The following COL6A6 variants were observed in gnomAD, a reference collection of about 807,000 sequenced individuals.
COL6A6 encodes the protein collagen type VI alpha 6 chain.
COL6A6 carries 183 observed loss-of-function variants against 208.6 expected under a neutral mutation model. The observed-to-expected ratio is 0.88, with a 90% confidence interval of 0.78 to 0.99. The LOEUF is 0.99. Ranked by LOEUF, COL6A6 falls within the 50% of genes least tolerant of loss-of-function variation. The pLI is 0.00. For missense variants in COL6A6, 2,816 were observed against 2,815.2 expected (o/e 1.00, Z -0.01); for synonymous variants, 973 against 1,011.8 (o/e 0.96, Z 0.73).
rs1220691043 is a variant in COL6A6, at chr3:130,662,264, G to T, written c.6458G>T (p.Ser2153Ile). 2.5e-6 allele frequency: 4 copies of T among 1,613,840 alleles called. No individual in the cohort carries two copies. In the African/African-American group the frequency reaches 4.0e-5, roughly 16 times the overall value. The stretch of plus-strand genomic sequence containing the variant: ...GGCCGAATTCATAAACCTGACCACA[G>T]TTATGGTGTGAAGTTTGTGAAGTCC... ...QLGRIHKPDH[S>I]YGVKFVKSFI... is the part of the protein sequence containing the mutation. Residue 2153 changes from serine (S) to isoleucine (I), a missense_variant, in exon 35 of 37, where the codon AGT becomes ATT. Physicochemically the swap from Ser to Ile is moderately radical, Grantham distance 142. Transcript: ENST00000358511.
At chr3:130,586,364 A>G in intron 10 of COL6A6, 142 bp from the exon 11 acceptor site, 6 of 643,678 alleles carry the variant, frequency 9.3e-6, no homozygotes, top group Non-Finnish European at 1.1e-5. Context: ...TCAGGTTTAC[A>G]TCATGTGTTT....
chr3:130,561,452 C>T (rs987253528), intron 2 of COL6A6, among the ~76,000 whole-genome samples: 21 of 152,104 alleles, frequency 1.4e-4, no homozygotes, highest in Admixed American at 8.5e-4. Context: ...CATTATGCCT[C>T]GATCAGATGG....
At position 130,658,665 on chromosome 3, in the gene COL6A6, GCTT is replaced by G; in HGVS notation, c.5734-7_5734-5del. 1 of 1,600,978 alleles carries G rather than the reference GCTT, an allele frequency of 6.2e-7. No homozygotes were observed. The stretch of plus-strand genomic sequence containing the variant: ...CCACTAAGTTCTTTCTGCTGCTTCT[GCTT>G]CTTTTAGATTGACGACACTGGCACA... On this transcript the variant is annotated splice_region_variant and splice_polypyrimidine_tract_variant and intron_variant, in intron 33 of 36. Transcript: ENST00000358511.
Position 130,538,770 on chromosome 3 carries a change from A to G in COL6A6, c.-32+21373A>G, listed in dbSNP as rs554839276. ...AGTGTGAGCTCAGTATTGCCAAGTC[A>G]TTTTCAGTGGAGTGATTCTGCCTGT... On this transcript the variant is annotated intron_variant, in intron 1 of 36. Coordinates refer to ENST00000358511, the MANE Select transcript of COL6A6 (RefSeq NM_001102608.3). Among the ~76,000 whole-genome samples, 6 of 152,186 alleles carry G rather than the reference A, an allele frequency of 3.9e-5. 1 individual carries two copies. In the East Asian group the frequency reaches 1.2e-3, roughly 29 times the overall value.
chr3:130,604,363 C>T (rs902467276), intron 20 of COL6A6, among the ~76,000 whole-genome samples: 6 of 152,046 alleles, frequency 3.9e-5, no homozygotes, highest in East Asian at 3.9e-4. Flanking sequence ...GGCGTGGTGG[C>T]GGGCGCCTGT....
chr3:130,658,503 G>A (rs982985823), intron 33 of COL6A6, among the ~76,000 whole-genome samples, 173 bp from the exon 34 acceptor site: 3 of 152,160 alleles, frequency 2.0e-5, no homozygotes, highest in Non-Finnish European at 4.4e-5. Flanking sequence ...TAAATTGAGA[G>A]TCAAGGTTTA....
chr3:130,522,592 A>G (rs1711135358), intron 1 of COL6A6, among the ~76,000 whole-genome samples: 1 of 152,138 alleles, frequency 6.6e-6, no homozygotes, highest in Admixed American at 6.5e-5. Flanking sequence ...CTCCAGTCCC[A>G]GATATCTAAC....
At chr3:130,562,151 G>A (rs143002978) in intron 2 of COL6A6, among the ~76,000 whole-genome samples, 146 of 152,272 alleles carry the variant, frequency 9.6e-4, no homozygotes, top group African/African-American at 3.1e-3. Context: ...GGTAGAGAGA[G>A]CTCTGAGTTC....
chr3:130,612,726 G>A (rs1478545730), intron 23 of COL6A6, among the ~76,000 whole-genome samples: 3 of 152,132 alleles, frequency 2.0e-5, no homozygotes, highest in African/African-American at 7.2e-5. Context: ...ATGTACATGA[G>A]GGTGAGAGGT....
chr3:130,628,260 A>T (rs1368032858), intron 26 of COL6A6, among the ~76,000 whole-genome samples: 1 of 152,254 alleles, frequency 6.6e-6, no homozygotes, highest in Admixed American at 6.5e-5. Flanking sequence ...ATCCCTTAAC[A>T]TCTTACAAGA....
intron 23 of COL6A6, among the ~76,000 whole-genome samples, chr3:130,614,792 T>G (rs1282817969): frequency 1.3e-5 from 2 of 152,170 alleles, no homozygotes; most frequent in East Asian, 3.8e-4. Context: ...CTAGTTTGTG[T>G]GCATAGAGGT....
chr3:130,567,783 A>G (rs2063063889), intron 5 of COL6A6, among the ~76,000 whole-genome samples: 2 of 152,222 alleles, frequency 1.3e-5, no homozygotes, highest in African/African-American at 4.8e-5. Flanking sequence ...AGTATCCTAC[A>G]ACACACAGAC....
At chr3:130,592,489 A>G (rs2063741929) in intron 13 of COL6A6, 52 bp from the exon 14 acceptor site, 3 of 1,407,064 alleles carry the variant, frequency 2.1e-6, no homozygotes, top group African/African-American at 1.4e-5. Context: ...TTTTCAAGAC[A>G]GATCTCAGAT....
chr3:130,564,840 C>T lies in COL6A6; in HGVS notation c.662-154C>T, dbSNP rs139682923. On this transcript the variant is annotated intron_variant, in intron 3 of 36. Transcript: ENST00000358511. Reference sequence around the variant, plus strand: ...TTAGCTAAGATGTAGTATTTGAACTCAGGTCTCTTTAACCTCAACTTCATA... The same window carrying T: ...TTAGCTAAGATGTAGTATTTGAACTTAGGTCTCTTTAACCTCAACTTCATA... Among the ~76,000 whole-genome samples the T allele has an allele frequency of 2.0e-5, 3 of 152,332 alleles. No homozygotes were observed. The East Asian group carries it at 5.8e-4, about 29-fold the overall frequency.
At chr3:130,618,459 C>T (rs961127400) in intron 23 of COL6A6, among the ~76,000 whole-genome samples, 28 of 152,288 alleles carry the variant, frequency 1.8e-4, no homozygotes, top group African/African-American at 6.7e-4. Context: ...TAGCTAATGC[C>T]CTTCCCCTTT....
chr3:130,570,097 C>T (rs2063124423), intron 6 of COL6A6, among the ~76,000 whole-genome samples: 1 of 152,210 alleles, frequency 6.6e-6, no homozygotes. Flanking sequence ...TGGAACACTG[C>T]ACCTTTGGAG....
intron 18 of COL6A6, among the ~76,000 whole-genome samples, chr3:130,595,963 A>G (rs2108105221): frequency 6.6e-6 from 1 of 152,334 alleles, no homozygotes; most frequent in Non-Finnish European, 1.5e-5. Flanking sequence ...AATGGTTACA[A>G]TTTATAAAAA....
chr3:130,562,992 G>A (rs2062927654), intron 2 of COL6A6, 76 bp from the exon 3 acceptor site: 4 of 1,050,216 alleles, frequency 3.8e-6, no homozygotes, highest in Admixed American at 2.3e-5. Context: ...GTACTTCCCC[G>A]CCATAGAGTT....
rs924385898 is a variant in COL6A6 at position 130,649,483 on chromosome 3, C to T, written c.5654C>T (p.Ala1885Val). 1 of 1,609,978 alleles carries T rather than the reference C, an allele frequency of 6.2e-7. No individual in the cohort carries two copies. The highest frequency in any genetic ancestry group is 8.5e-7 in the Non-Finnish European group (1 of 1,178,172). The change falls in exon 33 of 37, where the codon GCC becomes GTC. Residue 1885 changes from alanine (A) to valine (V), a missense_variant. Transcript: ENST00000358511. ...GATGCCCACTCCATCACCACGGCTG[C>T]CATGGAGTTCGGCGCGCTTGAAATC... ...SADAHSITTAAMEFGALEIIP... is the reference protein window; with the variant it reads ...SADAHSITTAVMEFGALEIIP...
Sources: gnomAD v4.1 joint callset for allele counts (sites outside exome capture counted in the v4.1 genomes callset) on GRCh38, gnomAD v4.1.1 for gene constraint, MANE v1.5 for transcripts, NCBI Gene and HGNC (gene_info 2026-07-23, HGNC 2026-07-21) for gene names.